Variants in KLF17 observed in about 807,000 individuals in gnomAD.
The protein encoded by KLF17 is Krueppel-like factor 17.
In KLF17, 31 loss-of-function variants were observed where a neutral mutation model predicts 34.2. The observed-to-expected ratio is 0.91, with a 90% confidence interval of 0.68 to 1.22. The LOEUF is 1.22. KLF17 is among the 50% of genes most tolerant of loss of function. The pLI is 0.00. For missense variants in KLF17, 478 were observed against 505.2 expected (o/e 0.95, Z 0.52); for synonymous variants, 179 against 186.7 (o/e 0.96, Z 0.34).
At chr1:44,090,328 AAAAAAAAAAG>A in the KLF17 span, among the ~76,000 whole-genome samples, 4 of 145,100 alleles carry the variant, frequency 2.8e-5, no homozygotes, top group African/African-American at 5.0e-5. Context: ...AAAAAAAAAA[AAAAAAAAAAG>A]AAAAGATTTG....
chr1:44,088,773 A>G, the KLF17 span, among the ~76,000 whole-genome samples: 1 of 152,186 alleles, frequency 6.6e-6, no homozygotes, highest in Non-Finnish European at 1.5e-5. Flanking sequence ...GCACAGTGGT[A>G]AGATGAATGC....
chr1:44,104,705 C>A, the KLF17 span: 1 of 363,172 alleles, frequency 2.8e-6, no homozygotes. Flanking sequence ...ATAGGAGCGG[C>A]ATAGCAGCAT....
At chr1:44,108,660 CTT>C in the KLF17 span, among the ~76,000 whole-genome samples, 337 of 75,316 alleles carry the variant, frequency 4.5e-3, 3 homozygotes, top group East Asian at 0.019. Flanking sequence ...TTTGTTAGCT[CTT>C]TTTTTTTTTT....
the KLF17 span, among the ~76,000 whole-genome samples, chr1:44,059,496 T>A: frequency 1.3e-5 from 2 of 152,188 alleles, no homozygotes; most frequent in Admixed American, 1.3e-4. Flanking sequence ...TTGTCATCAA[T>A]ATTCCCAGGG....
At chr1:44,103,880 G>A in the KLF17 span, 3 of 788,036 alleles carry the variant, frequency 3.8e-6, no homozygotes, top group East Asian at 2.4e-5. Flanking sequence ...TATGCTGCAC[G>A]TCATCCCAGT....
the KLF17 span, among the ~76,000 whole-genome samples, chr1:44,081,020 T>C: frequency 5.9e-5 from 9 of 151,948 alleles, no homozygotes; most frequent in Admixed American, 4.6e-4. Context: ...CCACCTCAAA[T>C]TTACATAATT....
the KLF17 span, among the ~76,000 whole-genome samples, chr1:44,074,395 C>A: frequency 6.6e-6 from 1 of 152,160 alleles, no homozygotes; most frequent in Non-Finnish European, 1.5e-5. Context: ...CTTCTGTTGC[C>A]ATTACCAATG....
At chr1:44,130,799 T>C (rs1331394351) in intron 3 of KLF17, 43 bp downstream of exon 3, 6 of 1,601,352 alleles carry the variant, frequency 3.7e-6, no homozygotes, top group East Asian at 4.5e-5. Flanking sequence ...TTTCCTTTTT[T>C]CCTTTTTATT....
At chr1:44,049,873 A>C in the KLF17 span, among the ~76,000 whole-genome samples, 6 of 152,242 alleles carry the variant, frequency 3.9e-5, no homozygotes, top group Admixed American at 3.9e-4. Flanking sequence ...CCATTGCATG[A>C]ATATATAATA....
At chr1:44,118,019 C>T (rs990331403), upstream of KLF17, among the ~76,000 whole-genome samples, 4 of 152,132 alleles carry the variant, frequency 2.6e-5, no homozygotes, top group Admixed American at 6.5e-5. Flanking sequence ...GTGGTATCAC[C>T]GTGGTCACCT....
intron 3 of KLF17, among the ~76,000 whole-genome samples, chr1:44,132,405 G>A (rs1191211801): frequency 6.6e-6 from 1 of 152,040 alleles, no homozygotes; most frequent in Non-Finnish European, 1.5e-5. Context: ...TTGCTGCATG[G>A]CACCAACTCT....
upstream of KLF17, chr1:44,113,918 G>A (rs189116754): frequency 2.7e-3 from 416 of 152,572 alleles, 3 homozygotes; most frequent in Non-Finnish European, 2.3e-3. Context: ...AAGGGTTCTG[G>A]AAGGTAACAG....
chr1:44,081,417 GTT>G, the KLF17 span, among the ~76,000 whole-genome samples: 1 of 140,430 alleles, frequency 7.1e-6, no homozygotes, highest in Non-Finnish European at 1.6e-5. Context: ...CCCCATGGTA[GTT>G]TTTTTTTTTT....
At chr1:44,063,861 G>C in the KLF17 span, among the ~76,000 whole-genome samples, 1 of 152,206 alleles carries the variant, frequency 6.6e-6, no homozygotes, top group African/African-American at 2.4e-5. Context: ...CTTAGTAAGG[G>C]AGACTTGAGT....
chr1:44,104,168 T>C, the KLF17 span: 1 of 1,059,434 alleles, frequency 9.4e-7, no homozygotes, highest in Non-Finnish European at 1.5e-6. Context: ...TCATGTAAGC[T>C]TCATCCACAT....
chr1:44,048,039 T>TGTGTGTGTGTGC, the KLF17 span: 1 of 146,780 alleles, frequency 6.8e-6, no homozygotes, highest in East Asian at 2.0e-4. Flanking sequence ...TGTGTGTGTG[T>TGTGTGTGTGTGC]GCACGTGCAC....
At chr1:44,049,688 G>A in the KLF17 span, among the ~76,000 whole-genome samples, 1 of 152,148 alleles carries the variant, frequency 6.6e-6, no homozygotes, top group Non-Finnish European at 1.5e-5. Flanking sequence ...TCACCAGGTG[G>A]TCCAGGCTGG....
chr1:44,083,148 A>G, the KLF17 span, among the ~76,000 whole-genome samples: 1 of 151,470 alleles, frequency 6.6e-6, no homozygotes, highest in African/African-American at 2.4e-5. Flanking sequence ...AGGCCTTGCT[A>G]TGTTACCCAG....
At chr1:44,127,705 T>TTTC (rs2088040029) in intron 1 of KLF17, among the ~76,000 whole-genome samples, 1 of 129,586 alleles carries the variant, frequency 7.7e-6, no homozygotes, top group Non-Finnish European at 1.5e-5. Context: ...TCTTTCTTTC[T>TTTC]TTCTTTCTTC....
Sources: gnomAD v4.1 joint callset for allele counts (sites outside exome capture counted in the v4.1 genomes callset) on GRCh38, gnomAD v4.1.1 for gene constraint, MANE v1.5 for transcripts, NCBI Gene and HGNC (gene_info 2026-07-23, HGNC 2026-07-21) for gene names.